NALF1: variants seen among roughly 807,000 people sequenced by gnomAD.
NALF1 encodes family with sequence similarity 155 member A.
Under a neutral mutation model 48.4 loss-of-function variants are expected in NALF1, and 3 were observed. The ratio of observed to expected loss-of-function variants is 0.06; its 90% CI spans 0.03 to 0.16. NALF1 has a LOEUF of 0.16. NALF1 is among the 10% of genes least tolerant of loss of function. The pLI, the probability that NALF1 is intolerant of heterozygous loss-of-function variation, is 1.00. For synonymous variants in NALF1, 262 were observed against 245.7 expected (o/e 1.07, Z -0.62); for missense variants, 526 against 571.5 (o/e 0.92, Z 0.81).
chr13:107,520,456 A>C (rs1012248994), intron 1 of NALF1, among the ~76,000 whole-genome samples: 1 of 152,246 alleles, frequency 6.6e-6, no homozygotes, highest in Non-Finnish European at 1.5e-5. Flanking sequence ...CTATACCTGA[A>C]GAAATGAGCT....
intron 1 of NALF1, among the ~76,000 whole-genome samples, chr13:107,715,615 G>C (rs566848397): frequency 1.2e-4 from 19 of 152,282 alleles, no homozygotes; most frequent in Admixed American, 1.2e-3. Context: ...TGAGCCGCCT[G>C]TGGTGTGAGC....
chr13:107,568,161 C>A (rs1254113132), intron 1 of NALF1, among the ~76,000 whole-genome samples: 1 of 151,954 alleles, frequency 6.6e-6, no homozygotes, highest in African/African-American at 2.4e-5. Flanking sequence ...TTAATTTTTT[C>A]GTAGAGATGG....
chr13:107,218,772 T>C (rs948994749), intron 1 of NALF1, among the ~76,000 whole-genome samples: 3 of 151,148 alleles, frequency 2.0e-5, no homozygotes, highest in African/African-American at 4.9e-5. Flanking sequence ...CACACAAAGA[T>C]GGGGAATGGT....
intron 1 of NALF1, among the ~76,000 whole-genome samples, chr13:107,796,514 T>C (rs1878429580): frequency 6.6e-6 from 1 of 152,214 alleles, no homozygotes; most frequent in South Asian, 2.1e-4. Flanking sequence ...TAATTATATT[T>C]TGTGATTTCA....
chr13:107,214,461 T>C (rs1234402487), intron 1 of NALF1, among the ~76,000 whole-genome samples: 1 of 152,178 alleles, frequency 6.6e-6, no homozygotes, highest in Non-Finnish European at 1.5e-5. Flanking sequence ...AATAATTATA[T>C]GAAACGAAAG....
At chr13:107,297,908 G>C (rs1470223601) in intron 1 of NALF1, among the ~76,000 whole-genome samples, 3 of 152,046 alleles carry the variant, frequency 2.0e-5, no homozygotes, top group African/African-American at 4.8e-5. Flanking sequence ...GATTCACACA[G>C]GTCAAATACT....
intron 1 of NALF1, among the ~76,000 whole-genome samples, chr13:107,403,775 C>T (rs1357457153): frequency 6.6e-6 from 1 of 151,518 alleles, no homozygotes; most frequent in African/African-American, 2.4e-5. Context: ...AGTTACACAC[C>T]ATTTTAGCTT....
At chr13:107,603,006 G>C (rs950835858) in intron 1 of NALF1, among the ~76,000 whole-genome samples, 1 of 151,940 alleles carries the variant, frequency 6.6e-6, no homozygotes, top group Non-Finnish European at 1.5e-5. Context: ...CAGACTCTCT[G>C]GTCTCAGTCA....
intron 2 of NALF1, among the ~76,000 whole-genome samples, chr13:107,183,318 C>G (rs926899552): frequency 1.3e-5 from 2 of 152,120 alleles, no homozygotes; most frequent in African/African-American, 4.8e-5. Flanking sequence ...AAAGAAAAAT[C>G]TGAACATTAA....
At chr13:107,429,385 C>A (rs943945385) in intron 1 of NALF1, among the ~76,000 whole-genome samples, 2 of 151,458 alleles carry the variant, frequency 1.3e-5, no homozygotes, top group African/African-American at 2.4e-5. Flanking sequence ...TGCTGACATG[C>A]CAAATATAAG....
rs1884381444 is a variant in NALF1, at chr13:107,431,525, A to G, written c.916-220770T>C. Among the ~76,000 whole-genome samples the G allele has an allele frequency of 2.6e-5, 4 of 152,230 alleles. No homozygotes were observed. In the South Asian group the frequency reaches 8.3e-4, roughly 32 times the overall value. ...TTGAATTGAATGGCTATTCACTGCT[A>G]AAAGGAACGAGTGTTAAGTAGGACT... On this transcript the variant is annotated intron_variant, in intron 1 of 2. Coordinates refer to ENST00000375915, the MANE Select transcript of NALF1 (RefSeq NM_001080396.3).
chr13:107,687,326 G>A (rs1881457347), intron 1 of NALF1, among the ~76,000 whole-genome samples: 1 of 152,042 alleles, frequency 6.6e-6, no homozygotes, highest in African/African-American at 2.4e-5. Flanking sequence ...GAAGGAGGGA[G>A]GGGGAAGGGC....
intron 1 of NALF1, among the ~76,000 whole-genome samples, chr13:107,688,757 T>C (rs1881499052): frequency 6.6e-6 from 1 of 152,170 alleles, no homozygotes; most frequent in Non-Finnish European, 1.5e-5. Flanking sequence ...CACGGACCTA[T>C]TGCCAGAGAA....
At chr13:107,837,672 C>T (rs1203914909) in intron 1 of NALF1, among the ~76,000 whole-genome samples, 1 of 148,810 alleles carries the variant, frequency 6.7e-6, no homozygotes, top group Non-Finnish European at 1.5e-5. Flanking sequence ...CCCCGGATGC[C>T]CCACCAGCTG....
At chr13:107,616,230 A>C (rs926528131) in intron 1 of NALF1, among the ~76,000 whole-genome samples, 8 of 152,228 alleles carry the variant, frequency 5.3e-5, no homozygotes, top group Admixed American at 1.3e-4. Context: ...TTAAGATTAA[A>C]ATTCCAACAC....
At chr13:107,221,646 A>G (rs981466993) in intron 1 of NALF1, among the ~76,000 whole-genome samples, 1 of 152,186 alleles carries the variant, frequency 6.6e-6, no homozygotes, top group Non-Finnish European at 1.5e-5. Context: ...GGTGTTTTCA[A>G]TGCACGGTAT....
At chr13:107,665,778 T>C (rs920921312) in intron 1 of NALF1, among the ~76,000 whole-genome samples, 1 of 152,100 alleles carries the variant, frequency 6.6e-6, no homozygotes, top group East Asian at 1.9e-4. Flanking sequence ...AAAAAGTTTA[T>C]GAAAAATAAA....
At chr13:107,324,135 C>T (rs538321271) in intron 1 of NALF1, among the ~76,000 whole-genome samples, 1 of 152,206 alleles carries the variant, frequency 6.6e-6, no homozygotes, top group South Asian at 2.1e-4. Context: ...ATTTTTTCAC[C>T]AGTAGGAAAT....
chr13:107,645,680 CAA>C lies in NALF1; in HGVS notation c.915+220000_915+220001del, dbSNP rs56187783. ...CTACCACCATGCAAATACTGGGAGACAAAAAAAAAAAAAAAAAAAAAAAAATC... is the reference window on the plus strand; with the variant it reads ...CTACCACCATGCAAATACTGGGAGACAAAAAAAAAAAAAAAAAAAAAAATC... On this transcript the variant is annotated intron_variant, in intron 1 of 2. Transcript: ENST00000375915. 2.2e-3 allele frequency among the ~76,000 whole-genome samples: 285 copies of C among 132,466 alleles called. 1 individual carries two copies. The highest frequency in any genetic ancestry group is 7.7e-3 in the African/African-American group (261 of 34,022). The allele number at this position is 132,466 out of a possible 152,430, so 86.9% of individuals were successfully genotyped here. A position where few individuals can be genotyped will look rare whatever the true frequency, so the allele number is the denominator to read the frequency against.
Sources: gnomAD v4.1 joint callset for allele counts (sites outside exome capture counted in the v4.1 genomes callset) on GRCh38, gnomAD v4.1.1 for gene constraint, MANE v1.5 for transcripts, NCBI Gene and HGNC (gene_info 2026-07-23, HGNC 2026-07-21) for gene names.